NKAIN3: variants seen among roughly 807,000 people sequenced by gnomAD.
NKAIN3 encodes sodium/potassium-transporting ATPase subunit beta-1-interacting protein 3.
NKAIN3 carries 25 observed loss-of-function variants against 30.2 expected under a neutral mutation model. That is an observed-to-expected ratio of 0.83 (90% CI 0.60 to 1.16). The LOEUF (loss-of-function observed/expected upper bound fraction) is 1.16, where lower values mean the gene tolerates loss of function less well. Among genes scored for constraint, NKAIN3 ranks in the 50% most tolerant of loss-of-function variants. NKAIN3 has a pLI of 0.00. For missense variants in NKAIN3, 225 were observed against 254.1 expected (o/e 0.89, Z 0.78); for synonymous variants, 91 against 89.6 (o/e 1.02, Z -0.09).
chr8:62,430,504 G>T (rs1287759596), intron 1 of NKAIN3, among the ~76,000 whole-genome samples: 2 of 150,800 alleles, frequency 1.3e-5, no homozygotes, highest in South Asian at 2.1e-4. Flanking sequence ...TTAATGTTTT[G>T]ATGAACCGCA....
chr8:62,676,557 A>C (rs1813481960), intron 3 of NKAIN3, among the ~76,000 whole-genome samples: 1 of 152,224 alleles, frequency 6.6e-6, no homozygotes, highest in Admixed American at 6.5e-5. Context: ...CGACAGAGCA[A>C]GACTCCGTCT....
At position 62,619,557 on chromosome 8, in the gene NKAIN3, A is replaced by T. The variant is rs140002866; in HGVS notation, c.273+29763A>T. Among the ~76,000 whole-genome samples, 558 of 152,220 alleles carry T rather than the reference A, an allele frequency of 3.7e-3. 12 individuals carry two copies. Among genetic ancestry groups the T allele is most frequent in the Admixed American group, 0.031 (471 of 15,280 alleles). On this transcript the variant is annotated intron_variant, in intron 3 of 6. Transcript: ENST00000623646. ...TGTATATCTTAAATGTATTTGATTG[A>T]TGTCTCATGTCTCCCTAAAATGTAT...
At chr8:62,662,685 T>C (rs565000285) in intron 3 of NKAIN3, among the ~76,000 whole-genome samples, 2 of 152,210 alleles carry the variant, frequency 1.3e-5, no homozygotes, top group East Asian at 3.9e-4. Flanking sequence ...GTGACCCAAA[T>C]TTGTTTTTAT....
At chr8:62,366,336 C>T (rs1023605704) in intron 1 of NKAIN3, among the ~76,000 whole-genome samples, 5 of 151,784 alleles carry the variant, frequency 3.3e-5, no homozygotes, top group African/African-American at 1.2e-4. Context: ...AAGCAATTCT[C>T]ATGCCTCAGC....
At chr8:62,960,011 T>C (rs1210614701) in intron 6 of NKAIN3, among the ~76,000 whole-genome samples, 2 of 152,214 alleles carry the variant, frequency 1.3e-5, no homozygotes, top group African/African-American at 4.8e-5. Context: ...CATTAATAAC[T>C]TTTTGATGCA....
intron 3 of NKAIN3, among the ~76,000 whole-genome samples, chr8:62,657,409 G>A (rs562192343): frequency 6.6e-6 from 1 of 152,220 alleles, no homozygotes; most frequent in South Asian, 2.1e-4. Context: ...ATCCTATCAT[G>A]TGCCCTTAGC....
chr8:62,566,336 A>G (rs1254530802), intron 1 of NKAIN3, among the ~76,000 whole-genome samples: 1 of 152,070 alleles, frequency 6.6e-6, no homozygotes, highest in African/African-American at 2.4e-5. Flanking sequence ...TATTATAATT[A>G]TTTGCTTTAT....
At chr8:62,927,564 A>G (rs75552585) in intron 5 of NKAIN3, among the ~76,000 whole-genome samples, 1 of 152,208 alleles carries the variant, frequency 6.6e-6, no homozygotes, top group Admixed American at 6.5e-5. Flanking sequence ...TGCAAATTAT[A>G]GGCATGTATT....
At chr8:62,683,025 T>TTTG (rs1813690922) in intron 3 of NKAIN3, among the ~76,000 whole-genome samples, 1 of 152,024 alleles carries the variant, frequency 6.6e-6, no homozygotes, top group Non-Finnish European at 1.5e-5. Flanking sequence ...TTGTTTGTTT[T>TTTG]TTTGTTTGTT....
intron 1 of NKAIN3, among the ~76,000 whole-genome samples, chr8:62,376,610 C>A (rs1817092547): frequency 6.6e-6 from 1 of 152,136 alleles, no homozygotes; most frequent in Admixed American, 6.5e-5. Flanking sequence ...AACATTGTAC[C>A]ATTTTCTCTA....
chr8:62,533,235 C>G (rs548519421), intron 1 of NKAIN3, among the ~76,000 whole-genome samples: 2 of 152,202 alleles, frequency 1.3e-5, no homozygotes, highest in Admixed American at 6.5e-5. Context: ...AGTAAGCACC[C>G]TGTTAAAGAA....
In NKAIN3 at chr8:62,720,665, T is replaced by A. The variant is rs369059042; in HGVS notation, c.274-26267T>A. Among the ~76,000 whole-genome samples, 6 of 152,320 alleles carry A rather than the reference T, an allele frequency of 3.9e-5. No individual in the cohort carries two copies. The East Asian group carries it at 9.6e-4, about 24-fold the overall frequency. Reference sequence around the variant, plus strand: ...TTGAAAACTTTTTTCTATAGCATATTCTCCAAAGGCAATGATGACTGACTC... The same window carrying A: ...TTGAAAACTTTTTTCTATAGCATATACTCCAAAGGCAATGATGACTGACTC... On this transcript the variant is annotated intron_variant, in intron 3 of 6. Transcript: ENST00000623646.
In NKAIN3 at chr8:62,973,446, T is replaced by C. The variant is rs148591496; in HGVS notation, c.*8039T>C. Among the ~76,000 whole-genome samples, 572 of 152,366 alleles carry C rather than the reference T, an allele frequency of 3.8e-3. 1 individual carries two copies. The highest frequency in any genetic ancestry group is 6.5e-3 in the Non-Finnish European group (440 of 68,036). On this transcript the variant is annotated 3_prime_UTR_variant, in exon 7 of 7. Coordinates refer to ENST00000623646, the MANE Select transcript of NKAIN3 (RefSeq NM_001304533.3). ...ATGATGAGATTTTTTTTTACGTTTGTTGGCTGCATAAATGTCTTCTTTTAA... is the reference window on the plus strand; with the variant it reads ...ATGATGAGATTTTTTTTTACGTTTGCTGGCTGCATAAATGTCTTCTTTTAA...
intron 3 of NKAIN3, among the ~76,000 whole-genome samples, chr8:62,643,128 T>C (rs1289246849): frequency 1.3e-5 from 2 of 152,140 alleles, no homozygotes; most frequent in Non-Finnish European, 2.9e-5. Flanking sequence ...AATAATAAAA[T>C]AATGTAACCA....
intron 1 of NKAIN3, among the ~76,000 whole-genome samples, chr8:62,544,404 A>G (rs374674521): frequency 6.6e-6 from 1 of 152,196 alleles, no homozygotes; most frequent in Non-Finnish European, 1.5e-5. Flanking sequence ...GCAATAATAC[A>G]TGTTTACTAT....
At position 62,311,034 on chromosome 8, in the gene NKAIN3, C is replaced by G. The variant is rs559325462; in HGVS notation, c.54+61907C>G. Among the ~76,000 whole-genome samples the G allele has an allele frequency of 7.9e-4, 119 of 150,540 alleles. 1 individual carries two copies. Among genetic ancestry groups the G allele is most frequent in the Admixed American group, 1.9e-3 (29 of 15,222 alleles). Reference sequence around the variant, plus strand: ...GAGAGGTTATCTCTTCCCTCAAATCCATTTCACTACTGAGTTATACCTGAA... The same window carrying G: ...GAGAGGTTATCTCTTCCCTCAAATCGATTTCACTACTGAGTTATACCTGAA... On this transcript the variant is annotated intron_variant, in intron 1 of 6. Coordinates refer to ENST00000623646, the MANE Select transcript of NKAIN3 (RefSeq NM_001304533.3).
intron 3 of NKAIN3, among the ~76,000 whole-genome samples, chr8:62,711,357 C>T (rs977835315): frequency 1.3e-5 from 2 of 152,058 alleles, no homozygotes; most frequent in Non-Finnish European, 2.9e-5. Context: ...TTCTCTTTTT[C>T]CTCAGGAACA....
At chr8:62,896,391 T>C (rs1326628124) in intron 4 of NKAIN3, among the ~76,000 whole-genome samples, 1 of 152,142 alleles carries the variant, frequency 6.6e-6, no homozygotes, top group Non-Finnish European at 1.5e-5. Context: ...GACACAAGCA[T>C]TCAGTTCATA....
intron 4 of NKAIN3, among the ~76,000 whole-genome samples, chr8:62,829,109 T>C (rs1239964108): frequency 1.3e-5 from 2 of 152,220 alleles, no homozygotes; most frequent in Non-Finnish European, 1.5e-5. Context: ...ATATGTTTGT[T>C]ATATAGTAAT....
Sources: allele counts gnomAD v4.1 joint callset (sites outside exome capture counted in the v4.1 genomes callset), GRCh38; gene constraint gnomAD v4.1.1; transcripts MANE v1.5; gene names NCBI Gene and HGNC (gene_info 2026-07-23, HGNC 2026-07-21).